Variants in CRB1 observed in about 807,000 individuals in gnomAD.
CRB1 encodes the protein protein crumbs homolog 1.
Under a neutral mutation model 120.0 loss-of-function variants are expected in CRB1, and 83 were observed. The observed-to-expected ratio is 0.69, with a 90% CI of 0.58 to 0.83. The LOEUF (loss-of-function observed/expected upper bound fraction) is 0.83. Ranked by LOEUF, CRB1 falls within the 40% of genes least tolerant of loss-of-function variation. CRB1 has a pLI of 0.00. For missense variants in CRB1, 1,699 were observed against 1,687.6 expected, an observed-to-expected ratio of 1.01 and a Z score of -0.12; for synonymous variants, 625 against 612.5, an observed-to-expected ratio of 1.02 and a Z score of -0.30.
chr1:197,413,308 A>G (rs1347969307), intron 5 of CRB1, among the ~76,000 whole-genome samples: 1 of 152,210 alleles, frequency 6.6e-6, no homozygotes, highest in Non-Finnish European at 1.5e-5. Context: ...GTGGAGCATA[A>G]CTGGTCTTTC....
At chr1:197,418,291 C>T (rs963477292) in intron 5 of CRB1, among the ~76,000 whole-genome samples, 2 of 152,130 alleles carry the variant, frequency 1.3e-5, no homozygotes, top group South Asian at 2.1e-4. Context: ...TTGGAACACC[C>T]CTTTAGAATA....
rs1446082370 is a variant in CRB1 at position 197,297,515 on chromosome 1, A to T, written c.70+29033A>T. 4.6e-5 allele frequency among the ~76,000 whole-genome samples: 7 copies of T among 152,220 alleles called. No individual in the cohort carries two copies. In the East Asian group the frequency reaches 9.7e-4, roughly 21 times the overall value. On this transcript the variant is annotated intron_variant, in intron 1 of 11. Coordinates refer to ENST00000367400, the MANE Select transcript of CRB1 (RefSeq NM_201253.3). ...GAAAAGTACTGCATGGGAGTGCAGG[A>T]TGAAAGATGACCAGTAGCGTTGCTA...
chr1:197,469,833 G>A (rs913579899), intron 11 of CRB1, among the ~76,000 whole-genome samples: 1 of 151,948 alleles, frequency 6.6e-6, no homozygotes, highest in South Asian at 2.1e-4. Flanking sequence ...ACGTGATAAC[G>A]TTTCCATTCT....
At chr1:197,391,678 G>A (rs934918789) in intron 5 of CRB1, among the ~76,000 whole-genome samples, 2 of 152,050 alleles carry the variant, frequency 1.3e-5, no homozygotes, top group African/African-American at 4.8e-5. Context: ...CATCCAAGTG[G>A]CTGAGTTTTT....
the CRB1 span, among the ~76,000 whole-genome samples, chr1:197,247,365 G>T: frequency 6.6e-6 from 1 of 152,046 alleles, no homozygotes. Context: ...GGTTGTCATT[G>T]TTGTAATGTT....
chr1:197,354,391 C>T (rs1660306977), intron 4 of CRB1, among the ~76,000 whole-genome samples: 1 of 152,130 alleles, frequency 6.6e-6, no homozygotes, highest in South Asian at 2.1e-4. Context: ...AAGAATGAAG[C>T]CACAGACCCT....
At chr1:197,456,339 A>G (rs2125540355) in intron 11 of CRB1, among the ~76,000 whole-genome samples, 1 of 152,244 alleles carries the variant, frequency 6.6e-6, no homozygotes, top group East Asian at 1.9e-4. Context: ...GAGATAATGA[A>G]TGAGGTATTT....
At chr1:197,370,832 C>G (rs1313094793) in intron 5 of CRB1, among the ~76,000 whole-genome samples, 1 of 152,142 alleles carries the variant, frequency 6.6e-6, no homozygotes, top group East Asian at 1.9e-4. Context: ...ATATCTTACT[C>G]CTGTCATCAT....
At chr1:197,227,192 T>C in the CRB1 span, among the ~76,000 whole-genome samples, 2 of 152,162 alleles carry the variant, frequency 1.3e-5, no homozygotes, top group South Asian at 4.1e-4. Context: ...GCCCAGAGTG[T>C]CATCTGAGAC....
chr1:197,416,656 A>G (rs1362583238), intron 5 of CRB1, among the ~76,000 whole-genome samples: 2 of 152,168 alleles, frequency 1.3e-5, no homozygotes, highest in African/African-American at 4.8e-5. Flanking sequence ...GTAAATACAG[A>G]TAACAGACTT....
chr1:197,403,550 T>G (rs576217138), intron 5 of CRB1, among the ~76,000 whole-genome samples: 4 of 152,282 alleles, frequency 2.6e-5, no homozygotes, highest in Admixed American at 2.0e-4. Context: ...AAGCTGAAAC[T>G]TTGACCAGTG....
At chr1:197,370,863 T>G (rs1042149256) in intron 5 of CRB1, among the ~76,000 whole-genome samples, 3 of 152,170 alleles carry the variant, frequency 2.0e-5, no homozygotes, top group Admixed American at 2.0e-4. Flanking sequence ...TCAGCATCCG[T>G]GTAGACAACC....
At chr1:197,370,732 A>G (rs1369431837) in intron 5 of CRB1, among the ~76,000 whole-genome samples, 1 of 152,168 alleles carries the variant, frequency 6.6e-6, no homozygotes, top group African/African-American at 2.4e-5. Flanking sequence ...GTTGAAGTAC[A>G]TGTCTTTGAA....
intron 10 of CRB1, chr1:197,439,080 CAT>C (rs1204640315): frequency 5.5e-6 from 1 of 181,782 alleles, no homozygotes; most frequent in African/African-American, 2.4e-5. Context: ...ATACCTTATC[CAT>C]ATGAGTCTAC....
the CRB1 span, among the ~76,000 whole-genome samples, chr1:197,252,566 ATATATATATATATATATGTGTGTGTG>A: frequency 3.3e-4 from 15 of 45,724 alleles, no homozygotes; most frequent in South Asian, 6.8e-3. Flanking sequence ...ATATATATAT[ATATATATATATATATATGTGTGTGTG>A]TGTGTGTGTG....
chr1:197,427,236 T>C (rs1664628915), intron 6 of CRB1, among the ~76,000 whole-genome samples: 1 of 152,164 alleles, frequency 6.6e-6, no homozygotes, highest in South Asian at 2.1e-4. Flanking sequence ...AAAATATAGT[T>C]ATTTTAGGGT....
intron 5 of CRB1, among the ~76,000 whole-genome samples, chr1:197,361,332 T>C (rs1351296992): frequency 6.6e-6 from 1 of 152,146 alleles, no homozygotes; most frequent in Non-Finnish European, 1.5e-5. Flanking sequence ...TAATTATTCT[T>C]TAAATATGTA....
Position 197,421,909 on chromosome 1 carries a change from AC to A in CRB1, c.2083del (p.Gln695SerfsTer14). 1 of 1,614,214 alleles carries A rather than the reference AC, an allele frequency of 6.2e-7. No homozygotes were observed. Among genetic ancestry groups the A allele is most frequent in the Non-Finnish European group, 8.5e-7 (1 of 1,180,034 alleles). ...CGCTGCATCAACTTGTGGCTGAGTT[AC>A]CAGTGTGACTGCCACAGGCCCTATG... ...RGRCINLWLSYQCDCHRPYEG... is the reference protein window; with the variant it reads ...RGRCINLWLSXQCDCHRPYEG... On this transcript the variant is annotated frameshift_variant, in exon 6 of 12. Transcript: ENST00000367400. LOFTEE classifies it high-confidence loss of function.
chr1:197,473,910 C>T (rs748977012), intron 11 of CRB1, among the ~76,000 whole-genome samples: 1 of 150,880 alleles, frequency 6.6e-6, no homozygotes, highest in Non-Finnish European at 1.5e-5. Context: ...CCTGAAGAGG[C>T]GATTTCAAAA....
Sources: allele counts gnomAD v4.1 joint callset (sites outside exome capture counted in the v4.1 genomes callset), GRCh38; gene constraint gnomAD v4.1.1; transcripts MANE v1.5; gene names NCBI Gene and HGNC (gene_info 2026-07-23, HGNC 2026-07-21).